The following ZNF714 variants were observed in gnomAD, a reference collection of about 807,000 sequenced individuals.
The protein encoded by ZNF714 is zinc finger protein 714.
In ZNF714, 32 loss-of-function variants were observed where a neutral mutation model predicts 46.2. That is an observed-to-expected ratio of 0.69 (90% CI 0.52 to 0.93). The LOEUF (loss-of-function observed/expected upper bound fraction) is 0.93. ZNF714 is among the 40% of genes least tolerant of loss of function. ZNF714 has a pLI of 0.00. For missense variants in ZNF714, 635 were observed against 646.3 expected (o/e 0.98, Z 0.19); for synonymous variants, 199 against 213.1 (o/e 0.93, Z 0.58).
In ZNF714 at chr19:21,117,118, G is replaced by A. The variant is rs1175145730; in HGVS notation, c.454G>A (p.Glu152Lys). 1 of 1,613,318 alleles carries A rather than the reference G, an allele frequency of 6.2e-7. No individual in the cohort carries two copies. The highest frequency in any genetic ancestry group is 8.5e-7 in the Non-Finnish European group (1 of 1,179,582). The change falls in exon 5 of 5, where the codon GAA becomes AAA. Residue 152 changes from glutamate (E) to lysine (K), a missense_variant. Transcript: ENST00000456283. ...ACCTTTCAAATGTAAAAAATGTGAT[G>A]AATCATTTTGCATGCTTTTACACCT... ...EKPFKCKKCD[E>K]SFCMLLHLHQ...
At chr19:21,085,073 G>C (rs775196527) in intron 2 of ZNF714, among the ~76,000 whole-genome samples, 2 of 152,066 alleles carry the variant, frequency 1.3e-5, no homozygotes, top group Non-Finnish European at 2.9e-5. Context: ...TGTTTTTTAT[G>C]GCTAGGTGAA....
chr19:21,112,892 G>A (rs1245052624), intron 4 of ZNF714, among the ~76,000 whole-genome samples: 10 of 133,818 alleles, frequency 7.5e-5, no homozygotes, highest in Admixed American at 3.5e-4. Flanking sequence ...GCGCGATCTC[G>A]GCTCACTGCA....
chr19:21,102,904 A>C (rs1969217349), intron 4 of ZNF714, among the ~76,000 whole-genome samples: 1 of 152,146 alleles, frequency 6.6e-6, no homozygotes, highest in African/African-American at 2.4e-5. Flanking sequence ...GCCAATTTGC[A>C]GTTCTGTTTG....
intron 4 of ZNF714, among the ~76,000 whole-genome samples, chr19:21,113,882 G>A (rs949074387): frequency 2.0e-4 from 30 of 152,062 alleles, no homozygotes; most frequent in Admixed American, 8.5e-4. Context: ...TGGCTGGAGA[G>A]TTCTGTAGAT....
In ZNF714 at chr19:21,120,704, G is replaced by A. The variant is rs191101023; in HGVS notation, c.*2372G>A. On this transcript the variant is annotated 3_prime_UTR_variant, in exon 5 of 5. Coordinates refer to ENST00000456283, the MANE Select transcript of ZNF714 (RefSeq NM_182515.4). ...TTTACCCTGTTCCACCTTACTGAAG[G>A]GTATAGGTAAAAGATGGTAACGATA... 9.2e-5 allele frequency: 14 copies of A among 151,948 alleles called. No homozygotes were observed. The highest frequency in any genetic ancestry group is 7.9e-4 in the Admixed American group (12 of 15,264). The allele number at this position is 151,948 out of a possible 1,614,324, so 9.4% of individuals were successfully genotyped here.
chr19:21,103,716 G>A (rs1048738904), intron 4 of ZNF714, among the ~76,000 whole-genome samples: 1 of 151,976 alleles, frequency 6.6e-6, no homozygotes, highest in Non-Finnish European at 1.5e-5. Flanking sequence ...GGCAACATTC[G>A]GAGATTCCCT....
rs74172391 is a variant in ZNF714 at position 21,112,816 on chromosome 19, A to ATTTTTTTT, written c.143-3974_143-3967dup. Among the ~76,000 whole-genome samples the ATTTTTTTT allele has an allele frequency of 4.8e-3, 208 of 43,202 alleles. 33 individuals carry two copies. Among genetic ancestry groups the ATTTTTTTT allele is most frequent in the African/African-American group, 0.014 (180 of 12,922 alleles). 28.3% of individuals were successfully genotyped at this position (43,202 alleles called of 152,430 possible). A position where few individuals can be genotyped will look rare whatever the true frequency, so the allele number is the denominator to read the frequency against. On this transcript the variant is annotated intron_variant, in intron 4 of 4. Transcript: ENST00000456283. ...GTTTCAAATAGTTTTTTTATTTCTG[A>ATTTTTTTT]TTTTTTTTTTTTTTTTTTTTTTTTG...
intron 4 of ZNF714, among the ~76,000 whole-genome samples, chr19:21,103,459 A>T (rs1300728936): frequency 6.6e-6 from 1 of 152,186 alleles, no homozygotes; most frequent in Non-Finnish European, 1.5e-5. Context: ...AGACTGAGGC[A>T]GGAGAGTCGC....
chr19:21,082,504 A>G (rs1450347778), intron 1 of ZNF714, among the ~76,000 whole-genome samples, 156 bp downstream of exon 1: 1 of 151,484 alleles, frequency 6.6e-6, no homozygotes, highest in African/African-American at 2.5e-5. Context: ...CCCTTCAGCC[A>G]TAAGATGGCG....
Position 21,118,642 on chromosome 19 carries a change from A to T in ZNF714, c.*310A>T. ...CTTCAACTCTTACTAGGCATTAAAA[A>T]TTCATACTGTACAGAAACCCTACGA... is the stretch of plus-strand genomic sequence containing the variant. On this transcript the variant is annotated 3_prime_UTR_variant, in exon 5 of 5. Transcript: ENST00000456283. The T allele has an allele frequency of 4.1e-6, 1 of 245,828 alleles. No homozygotes were observed. The highest frequency in any genetic ancestry group is 8.2e-6 in the Non-Finnish European group (1 of 121,556). 15.2% of individuals were successfully genotyped at this position (245,828 alleles called of 1,614,324 possible). A position where few individuals can be genotyped will look rare whatever the true frequency, so the allele number is the denominator to read the frequency against.
At chr19:21,110,890 G>T (rs750341118) in intron 4 of ZNF714, among the ~76,000 whole-genome samples, 1 of 152,116 alleles carries the variant, frequency 6.6e-6, no homozygotes, top group Admixed American at 6.5e-5. Context: ...AAGATCAGAT[G>T]GTTGTAGATA....
At chr19:21,108,878 A>G (rs1347779144) in intron 4 of ZNF714, among the ~76,000 whole-genome samples, 1 of 152,100 alleles carries the variant, frequency 6.6e-6, no homozygotes, top group Non-Finnish European at 1.5e-5. Flanking sequence ...TTCTTGCTTC[A>G]CCTTTGCCAA....
chr19:21,111,934 C>T (rs1442487771), intron 4 of ZNF714, among the ~76,000 whole-genome samples: 1 of 152,140 alleles, frequency 6.6e-6, no homozygotes, highest in African/African-American at 2.4e-5. Context: ...ATAAAGCTGA[C>T]TTGATTGTGG....
intron 4 of ZNF714, among the ~76,000 whole-genome samples, chr19:21,114,982 G>C (rs1312914878): frequency 1.3e-5 from 2 of 148,476 alleles, no homozygotes; most frequent in African/African-American, 5.0e-5. Context: ...TTCTGTCTCT[G>C]TGTCTTTTTT....
intron 2 of ZNF714, among the ~76,000 whole-genome samples, chr19:21,086,021 A>C (rs186898936): frequency 6.6e-6 from 1 of 152,290 alleles, no homozygotes; most frequent in East Asian, 1.9e-4. Flanking sequence ...AGAAGGCAGG[A>C]GAGCAATGGC....
Position 21,082,262 on chromosome 19 carries a change from C to T in ZNF714, c.-263C>T. ...TTCACTGCCCTGTGTCCTCTGCTCG[C>T]AGAGGCCCAGCCTCTGTGGCCCTGT... On this transcript the variant is annotated 5_prime_UTR_variant, in exon 1 of 5. Transcript: ENST00000456283. 1 of 1,379,592 alleles carries T rather than the reference C, an allele frequency of 7.2e-7. No individual in the cohort carries two copies. The highest frequency in any genetic ancestry group is 9.8e-7 in the Non-Finnish European group (1 of 1,016,178). The allele number at this position is 1,379,592 out of a possible 1,614,324, so 85.5% of individuals were successfully genotyped here.
chr19:21,110,004 A>G (rs924575869), intron 4 of ZNF714, among the ~76,000 whole-genome samples: 1 of 152,170 alleles, frequency 6.6e-6, no homozygotes, highest in Non-Finnish European at 1.5e-5. Flanking sequence ...ACAGATGGGC[A>G]TTTGGGTTGA....
chr19:21,084,375 G>T (rs561513870), intron 2 of ZNF714, among the ~76,000 whole-genome samples: 4 of 152,064 alleles, frequency 2.6e-5, no homozygotes, highest in Non-Finnish European at 4.4e-5. Context: ...TCTTGTAGAT[G>T]CCTAATTCTG....
At chr19:21,093,826 G>C (rs1318054146) in intron 2 of ZNF714, among the ~76,000 whole-genome samples, 1 of 151,670 alleles carries the variant, frequency 6.6e-6, no homozygotes, top group Non-Finnish European at 1.5e-5. Flanking sequence ...TAGAGATGGG[G>C]TTTTGTCATG....
Sources: gnomAD v4.1 joint callset for allele counts (sites outside exome capture counted in the v4.1 genomes callset) on GRCh38, gnomAD v4.1.1 for gene constraint, MANE v1.5 for transcripts, NCBI Gene and HGNC (gene_info 2026-07-23, HGNC 2026-07-21) for gene names.